The following CNTNAP5 variants were observed in gnomAD, a reference collection of about 807,000 sequenced individuals.
CNTNAP5 encodes the protein contactin-associated protein-like 5.
Under a neutral mutation model 150.2 loss-of-function variants are expected in CNTNAP5, and 72 were observed. The observed-to-expected ratio is 0.48, with a 90% CI of 0.40 to 0.58. The LOEUF (loss-of-function observed/expected upper bound fraction) is 0.58, where lower values mean the gene tolerates loss of function less well. Among genes scored for constraint, CNTNAP5 ranks in the 20% least tolerant of loss-of-function variants. CNTNAP5 has a pLI of 0.00. For missense variants in CNTNAP5, 1,636 were observed against 1,626.2 expected (o/e 1.01, Z -0.10); for synonymous variants, 672 against 619.8 (o/e 1.08, Z -1.25).
At chr2:124,800,079 A>G (rs1397224525) in intron 19 of CNTNAP5, among the ~76,000 whole-genome samples, 2 of 152,116 alleles carry the variant, frequency 1.3e-5, no homozygotes, top group African/African-American at 2.4e-5. Context: ...AGGCATGGAG[A>G]AGTTCAGTAG....
chr2:124,785,309 A>C (rs1257091703), intron 17 of CNTNAP5, among the ~76,000 whole-genome samples: 1 of 152,192 alleles, frequency 6.6e-6, no homozygotes, highest in Non-Finnish European at 1.5e-5. Context: ...AGCTGACCCC[A>C]GTGCAGTTGA....
At chr2:124,668,557 G>A (rs892661616) in intron 13 of CNTNAP5, among the ~76,000 whole-genome samples, 1 of 152,116 alleles carries the variant, frequency 6.6e-6, no homozygotes, top group East Asian at 1.9e-4. Flanking sequence ...CCCTCCACAG[G>A]CCCTCCCTGC....
chr2:124,788,845 C>T (rs747496349), intron 17 of CNTNAP5, among the ~76,000 whole-genome samples: 12 of 152,044 alleles, frequency 7.9e-5, no homozygotes, highest in East Asian at 1.9e-4. Context: ...GTTGGCCAGG[C>T]GGGTCTTGAA....
At chr2:124,363,856 C>G (rs6735697) in intron 3 of CNTNAP5, among the ~76,000 whole-genome samples, 24 of 151,984 alleles carry the variant, frequency 1.6e-4, no homozygotes, top group Non-Finnish European at 3.2e-4. Flanking sequence ...CTGTGTGTAG[C>G]AATTATATCT....
In CNTNAP5 at chr2:124,773,083, G is replaced by GA. The variant is rs1409792103; in HGVS notation, c.2752+72dup. 4 of 1,264,396 alleles carry GA rather than the reference G, an allele frequency of 3.2e-6. No homozygotes were observed. In the African/African-American group the frequency reaches 4.5e-5, roughly 14 times the overall value. The allele number at this position is 1,264,396 out of a possible 1,614,324, so 78.3% of individuals were successfully genotyped here. Reference sequence around the variant, plus strand: ...AAGATCACTGTGTGACCATGCCCAAGAAAAAATTCTCTTTTATCTGAGATC... The same window carrying GA: ...AAGATCACTGTGTGACCATGCCCAAGAAAAAAATTCTCTTTTATCTGAGATC... On this transcript the variant is annotated intron_variant, in intron 17 of 23. Coordinates refer to ENST00000682447, the MANE Select transcript of CNTNAP5 (RefSeq NM_001367498.1).
At chr2:124,491,533 T>C (rs1219383282) in intron 7 of CNTNAP5, among the ~76,000 whole-genome samples, 2 of 152,128 alleles carry the variant, frequency 1.3e-5, no homozygotes, top group East Asian at 1.9e-4. Context: ...TTGGCTATTG[T>C]AGATAATGCT....
At chr2:124,601,151 G>T (rs1573488966) in intron 11 of CNTNAP5, among the ~76,000 whole-genome samples, 1 of 152,220 alleles carries the variant, frequency 6.6e-6, no homozygotes, top group African/African-American at 2.4e-5. Flanking sequence ...TCCTAAAACT[G>T]AGAGAAAACA....
intron 1 of CNTNAP5, among the ~76,000 whole-genome samples, chr2:124,037,699 G>A (rs558744026): frequency 6.6e-6 from 1 of 152,260 alleles, no homozygotes; most frequent in Non-Finnish European, 1.5e-5. Flanking sequence ...AGGGATGGGA[G>A]ATGTTGGTCA....
intron 3 of CNTNAP5, among the ~76,000 whole-genome samples, chr2:124,339,198 G>T (rs977960551): frequency 2.0e-5 from 3 of 152,068 alleles, no homozygotes; most frequent in Non-Finnish European, 4.4e-5. Flanking sequence ...TAGCTAGAAA[G>T]TTCTAGAACC....
chr2:124,375,889 C>T (rs1032103488), intron 3 of CNTNAP5, among the ~76,000 whole-genome samples: 1 of 152,034 alleles, frequency 6.6e-6, no homozygotes, highest in African/African-American at 2.4e-5. Flanking sequence ...AAACTCAAAA[C>T]TACTTACCAC....
chr2:124,671,448 A>G (rs1249567828), intron 13 of CNTNAP5, among the ~76,000 whole-genome samples: 1 of 152,202 alleles, frequency 6.6e-6, no homozygotes, highest in Non-Finnish European at 1.5e-5. Flanking sequence ...TGAGGATTAA[A>G]GAAAATTATT....
intron 1 of CNTNAP5, among the ~76,000 whole-genome samples, chr2:124,209,925 C>A (rs147558581): frequency 6.6e-6 from 1 of 152,060 alleles, no homozygotes; most frequent in Non-Finnish European, 1.5e-5. Flanking sequence ...AGGTGATGTG[C>A]GGGCATTCAA....
intron 21 of CNTNAP5, among the ~76,000 whole-genome samples, chr2:124,880,834 G>A (rs1405307339): frequency 2.0e-5 from 3 of 152,068 alleles, no homozygotes; most frequent in Admixed American, 2.0e-4. Context: ...TTCATAAAAA[G>A]AAGAGATCAT....
chr2:124,836,625 G>C (rs140458039), intron 19 of CNTNAP5, among the ~76,000 whole-genome samples: 1 of 152,166 alleles, frequency 6.6e-6, no homozygotes, highest in East Asian at 1.9e-4. Flanking sequence ...TGTGGTCTAT[G>C]GGGGTGCAAG....
chr2:124,584,284 T>G (rs557924941), intron 11 of CNTNAP5, among the ~76,000 whole-genome samples: 240 of 152,294 alleles, frequency 1.6e-3, no homozygotes, highest in African/African-American at 5.6e-3. Flanking sequence ...GCCCAGAGCT[T>G]TCTGCCTCGG....
chr2:124,325,435 G>A (rs559654547), intron 3 of CNTNAP5, among the ~76,000 whole-genome samples: 4 of 152,262 alleles, frequency 2.6e-5, no homozygotes, highest in African/African-American at 9.6e-5. Context: ...AATGTGAAAG[G>A]GAGAAGACAA....
chr2:124,851,449 T>G (rs1305048424), intron 19 of CNTNAP5, among the ~76,000 whole-genome samples: 1 of 152,174 alleles, frequency 6.6e-6, no homozygotes, highest in East Asian at 1.9e-4. Context: ...TAAAGAGAAT[T>G]GTAAAGGAAT....
At chr2:124,248,803 C>T (rs566312537) in intron 3 of CNTNAP5, among the ~76,000 whole-genome samples, 10 of 152,252 alleles carry the variant, frequency 6.6e-5, no homozygotes, top group South Asian at 4.1e-4. Context: ...CATATGGACA[C>T]GTTCTAGGGG....
intron 12 of CNTNAP5, among the ~76,000 whole-genome samples, chr2:124,616,325 G>A (rs900947648): frequency 3.9e-5 from 6 of 152,148 alleles, no homozygotes; most frequent in African/African-American, 1.2e-4. Context: ...AAACTTTTAT[G>A]TTACGAAGAT....
Sources: allele counts gnomAD v4.1 joint callset (sites outside exome capture counted in the v4.1 genomes callset), GRCh38; gene constraint gnomAD v4.1.1; transcripts MANE v1.5; gene names NCBI Gene and HGNC (gene_info 2026-07-23, HGNC 2026-07-21).